The following ADAM18 variants were observed in gnomAD, a reference collection of about 807,000 sequenced individuals.
ADAM18 encodes disintegrin and metalloproteinase domain-containing protein 18.
ADAM18 carries 117 observed loss-of-function variants against 94.4 expected under a neutral mutation model. The observed-to-expected ratio is 1.24, with a 90% CI of 1.07 to 1.45. ADAM18 has a LOEUF of 1.45. ADAM18 is among the 40% of genes most tolerant of loss of function. The pLI is 0.00. For missense variants in ADAM18, 936 were observed against 880.0 expected (o/e 1.06, Z -0.81); for synonymous variants, 327 against 291.6 (o/e 1.12, Z -1.24).
chr8:39,687,432 C>G (rs1332967278), intron 16 of ADAM18, among the ~76,000 whole-genome samples: 1 of 152,176 alleles, frequency 6.6e-6, no homozygotes, highest in African/African-American at 2.4e-5. Context: ...CTCCCTTCCT[C>G]TTACATACAC....
intron 14 of ADAM18, 109 bp downstream of exon 14, chr8:39,668,305 A>G (rs1468333397): frequency 9.3e-7 from 1 of 1,078,972 alleles, no homozygotes; most frequent in African/African-American, 1.6e-5. Context: ...CACAAGATTA[A>G]TAAAAATTAA....
At chr8:39,716,350 CCT>C (rs2129581609) in intron 18 of ADAM18, among the ~76,000 whole-genome samples, 1 of 151,984 alleles carries the variant, frequency 6.6e-6, no homozygotes, top group African/African-American at 2.4e-5. Flanking sequence ...CATGAACCTC[CCT>C]GTTAGTGCTG....
At chr8:39,680,784 G>A (rs770014446) in intron 16 of ADAM18, among the ~76,000 whole-genome samples, 2 of 152,114 alleles carry the variant, frequency 1.3e-5, no homozygotes, top group Non-Finnish European at 2.9e-5. Flanking sequence ...CAATATAAGG[G>A]CACATGTTCC....
chr8:39,595,516 C>A (rs1331045463), intron 2 of ADAM18, among the ~76,000 whole-genome samples: 1 of 151,964 alleles, frequency 6.6e-6, no homozygotes, highest in Non-Finnish European at 1.5e-5. Context: ...GATGGAGATT[C>A]ACTCTGGCTG....
Position 39,625,257 on chromosome 8 carries a change from G to A in ADAM18, c.523-4117G>A, listed in dbSNP as rs551914169. Among the ~76,000 whole-genome samples the A allele has an allele frequency of 1.6e-4, 25 of 152,162 alleles. No individual in the cohort carries two copies. In the South Asian group the frequency reaches 5.2e-3, roughly 32 times the overall value. On this transcript the variant is annotated intron_variant, in intron 6 of 19. Transcript: ENST00000265707. ...TTGTAAAGAGCTTTCACCTCCTTGG[G>A]TAGGTATATTCTTAATTATTTTATT...
chr8:39,697,461 T>C (rs1821955827), intron 17 of ADAM18, among the ~76,000 whole-genome samples: 1 of 151,758 alleles, frequency 6.6e-6, no homozygotes, highest in Non-Finnish European at 1.5e-5. Context: ...CAATTTTCCT[T>C]GTGATTTCTT....
rs768164265 is a variant in ADAM18 at position 39,629,372 on chromosome 8, A to G, written c.523-2A>G. Reference sequence around the variant, plus strand: ...ATAAATCCCGTTGTTGTTGTTTTCCAGATAAAAAATCTTTCAAAACTATTA... The same window carrying G: ...ATAAATCCCGTTGTTGTTGTTTTCCGGATAAAAAATCTTTCAAAACTATTA... On this transcript the variant is annotated splice_acceptor_variant, in intron 6 of 19. Transcript: ENST00000265707. LOFTEE classifies it high-confidence loss of function. The G allele has an allele frequency of 2.6e-6, 4 of 1,560,988 alleles. No homozygotes were observed. Among genetic ancestry groups the G allele is most frequent in the Middle Eastern group, 1.7e-4 (1 of 5,878 alleles).
In ADAM18 at chr8:39,609,514, C is replaced by G. The variant is rs756914222; in HGVS notation, c.297C>G (p.Ala99=). The change falls in exon 5 of 20, where the codon GCC becomes GCG. Residue 99 remains alanine (A), a synonymous_variant. Transcript: ENST00000265707. ...MMHCHYQGYA[A]EFPNSFVTLS... ...ATTGCCATTACCAAGGATATGCTGC[C>G]GAATTTCCAAATTCATTTGTGACAC... The G allele has an allele frequency of 3.1e-6, 5 of 1,610,936 alleles. No individual in the cohort carries two copies. The South Asian group carries it at 3.3e-5, about 11-fold the overall frequency.
intron 1 of ADAM18, 66 bp from the exon 2 acceptor site, chr8:39,585,210 C>G (rs912839525): frequency 1.5e-6 from 2 of 1,319,006 alleles, no homozygotes; most frequent in Admixed American, 3.7e-5. Flanking sequence ...GATAAGAACC[C>G]GTGCTTGACT....
chr8:39,723,779 A>G lies in ADAM18; in HGVS notation c.2049A>G (p.Thr683=). Residue 683 remains threonine (T), a synonymous_variant, in exon 19 of 20, where the codon ACA becomes ACG. Coordinates refer to ENST00000265707, the MANE Select transcript of ADAM18 (RefSeq NM_014237.3). ...GDFYTEKGYN[T]HWNNWFILSF... The stretch of plus-strand genomic sequence containing the variant: ...TTTATACTGAAAAAGGCTACAATAC[A>G]CACTGGAACAACTGGTTTATTCTGA... The G allele has an allele frequency of 6.4e-7, 1 of 1,574,614 alleles. No individual in the cohort carries two copies.
At chr8:39,704,991 A>T (rs1263427358) in intron 17 of ADAM18, among the ~76,000 whole-genome samples, 6 of 152,172 alleles carry the variant, frequency 3.9e-5, no homozygotes, top group Non-Finnish European at 7.4e-5. Context: ...AGAAAAATGC[A>T]TTCAGAGATA....
At position 39,716,395 on chromosome 8, in the gene ADAM18, G is replaced by T. The variant is rs534475702; in HGVS notation, c.2018-7353G>T. On this transcript the variant is annotated intron_variant, in intron 18 of 19. Transcript: ENST00000265707. ...TGCAGCCCATAATTTTTGGCATGTTGCATATTCATATTCATTTGTCTTGAG... is the reference window on the plus strand; with the variant it reads ...TGCAGCCCATAATTTTTGGCATGTTTCATATTCATATTCATTTGTCTTGAG... Among the ~76,000 whole-genome samples, 5 of 151,856 alleles carry T rather than the reference G, an allele frequency of 3.3e-5. No individual in the cohort carries two copies. In the South Asian group the frequency reaches 1.0e-3, roughly 32 times the overall value.
At chr8:39,690,509 AT>A (rs898774056) in intron 16 of ADAM18, among the ~76,000 whole-genome samples, 2 of 152,066 alleles carry the variant, frequency 1.3e-5, no homozygotes, top group Non-Finnish European at 2.9e-5. Context: ...GGCATATACA[AT>A]TTTTTTCTTT....
chr8:39,598,370 G>A (rs533474104), intron 2 of ADAM18, among the ~76,000 whole-genome samples: 146 of 152,096 alleles, frequency 9.6e-4, no homozygotes, highest in African/African-American at 3.4e-3. Flanking sequence ...TATGTATGAT[G>A]TTAGCCCTAG....
intron 18 of ADAM18, among the ~76,000 whole-genome samples, chr8:39,723,205 T>G (rs1822809031): frequency 6.6e-6 from 1 of 151,450 alleles, no homozygotes; most frequent in Non-Finnish European, 1.5e-5. Context: ...GCTTATAGAA[T>G]GTCAATGAGT....
At position 39,677,543 on chromosome 8, in the gene ADAM18, A is replaced by G. The variant is rs200877246; in HGVS notation, c.1631+7A>G. 8.3e-6 allele frequency: 13 copies of G among 1,568,320 alleles called. No individual in the cohort carries two copies. The East Asian group carries it at 2.7e-4, about 33-fold the overall frequency. On this transcript the variant is annotated splice_region_variant and intron_variant, in intron 15 of 19. Coordinates refer to ENST00000265707, the MANE Select transcript of ADAM18 (RefSeq NM_014237.3). ...CATTACCTTGTGAACGGAAGTACGT[A>G]TGTAGAAAATGATTGCTTCTTTGAA... is the stretch of plus-strand genomic sequence containing the variant.
chr8:39,602,442 T>C (rs936910736), intron 2 of ADAM18, among the ~76,000 whole-genome samples: 1 of 152,160 alleles, frequency 6.6e-6, no homozygotes, highest in African/African-American at 2.4e-5. Context: ...TCTCATGTAA[T>C]AGACTGAAAG....
intron 17 of ADAM18, among the ~76,000 whole-genome samples, chr8:39,703,773 G>A (rs539304215): frequency 3.3e-5 from 5 of 151,964 alleles, no homozygotes; most frequent in Non-Finnish European, 5.9e-5. Flanking sequence ...ACCAATTCAG[G>A]AGTTTATTTT....
chr8:39,647,272 T>A (rs1331172528), intron 11 of ADAM18, among the ~76,000 whole-genome samples: 2 of 150,390 alleles, frequency 1.3e-5, no homozygotes, highest in Admixed American at 1.3e-4. Context: ...AGAATCTATG[T>A]CATAATTAAG....
Sources: allele counts gnomAD v4.1 joint callset (sites outside exome capture counted in the v4.1 genomes callset), GRCh38; gene constraint gnomAD v4.1.1; transcripts MANE v1.5; gene names NCBI Gene and HGNC (gene_info 2026-07-23, HGNC 2026-07-21).